RAE1: variants seen among roughly 807,000 people sequenced by gnomAD.
RAE1 encodes mRNA export factor RAE1.
A neutral mutation model predicts 52.7 loss-of-function variants in RAE1; 13 were observed. That is an observed-to-expected ratio of 0.25 (90% CI 0.16 to 0.39). The LOEUF (loss-of-function observed/expected upper bound fraction) is 0.39. Among genes scored for constraint, RAE1 ranks in the 10% least tolerant of loss-of-function variants. The pLI is 1.00. For synonymous variants in RAE1, 164 were observed against 153.1 expected, an observed-to-expected ratio of 1.07 and a Z score of -0.52; for missense variants, 262 against 459.8, an observed-to-expected ratio of 0.57 and a Z score of 3.93.
chr20:57,355,389 TATTAA>T (rs1482748313), intron 3 of RAE1, among the ~76,000 whole-genome samples: 2 of 152,228 alleles, frequency 1.3e-5, no homozygotes, highest in East Asian at 1.9e-4. Context: ...GACTTTTTTT[TATTAA>T]ATTAACAAAA....
At chr20:57,367,415 G>C (rs1296835579) in intron 7 of RAE1, among the ~76,000 whole-genome samples, 1 of 152,154 alleles carries the variant, frequency 6.6e-6, no homozygotes, top group Non-Finnish European at 1.5e-5. Context: ...GGTGGTACCA[G>C]GTCTTTGGGG....
chr20:57,373,273 G>C (rs755741601), intron 8 of RAE1: 5 of 590,086 alleles, frequency 8.5e-6, no homozygotes, highest in Non-Finnish European at 1.5e-5. Flanking sequence ...AGGAGCACAG[G>C]GTGTGCAGTT....
At chr20:57,360,776 A>G (rs908070440) in intron 4 of RAE1, among the ~76,000 whole-genome samples, 11 of 152,192 alleles carry the variant, frequency 7.2e-5, no homozygotes, top group Non-Finnish European at 4.4e-5. Flanking sequence ...AAATATTAGT[A>G]TAGCTTAGTT....
chr20:57,352,185 A>G lies in RAE1; in HGVS notation c.-8+763A>G, dbSNP rs79258443. 2.6e-4 allele frequency among the ~76,000 whole-genome samples: 39 copies of G among 152,308 alleles called. 1 individual carries two copies. The highest frequency in any genetic ancestry group is 8.4e-4 in the African/African-American group (35 of 41,540). On this transcript the variant is annotated intron_variant, in intron 1 of 11. Coordinates refer to ENST00000395841, the MANE Select transcript of RAE1 (RefSeq NM_003610.4). Reference sequence around the variant, plus strand: ...GAAGTATAAAATAACATTAATTTCAACCATTGAAAGTGTATATTGTGAGTT... The same window carrying G: ...GAAGTATAAAATAACATTAATTTCAGCCATTGAAAGTGTATATTGTGAGTT...
At chr20:57,358,445 A>G (rs2066831914) in intron 4 of RAE1, 2 of 152,388 alleles carry the variant, frequency 1.3e-5, no homozygotes, top group African/African-American at 4.8e-5. Flanking sequence ...TGCCATCTTA[A>G]CAAACCCTGT....
chr20:57,351,906 C>T, intron 1 of RAE1: 1 of 985,506 alleles, frequency 1.0e-6, no homozygotes, highest in Non-Finnish European at 1.2e-6. Context: ...ACCGTACAGG[C>T]AGTACTTCTC....
intron 3 of RAE1, 88 bp downstream of exon 3, chr20:57,354,904 G>T: frequency 1.0e-6 from 1 of 981,008 alleles, no homozygotes; most frequent in Non-Finnish European, 1.5e-6. Context: ...CCAAGTAAAT[G>T]AATCAGTTGG....
At position 57,374,501 on chromosome 20, in the gene RAE1, T is replaced by C. The variant is rs2067082357; in HGVS notation, c.826-106T>C. The C allele has an allele frequency of 7.7e-6, 8 of 1,034,524 alleles. 1 individual carries two copies. The South Asian group carries it at 9.2e-5, about 12-fold the overall frequency. 64.1% of individuals were successfully genotyped at this position (1,034,524 alleles called of 1,614,324 possible). On this transcript the variant is annotated intron_variant, in intron 10 of 11. Coordinates refer to ENST00000395841, the MANE Select transcript of RAE1 (RefSeq NM_003610.4). The stretch of plus-strand genomic sequence containing the variant: ...TCAGCGGGCAGCAGCTGGAAGGAAA[T>C]GTACCTGTGCGCTTTGTTTCCTAAC...
At chr20:57,353,624 G>T (rs563342649) in intron 1 of RAE1, among the ~76,000 whole-genome samples, 37 of 152,360 alleles carry the variant, frequency 2.4e-4, no homozygotes, top group African/African-American at 8.7e-4. Flanking sequence ...CTGAAAGCAC[G>T]GGGACCTGCG....
intron 1 of RAE1, among the ~76,000 whole-genome samples, chr20:57,352,918 C>T (rs73914833): frequency 0.055 from 8,400 of 152,220 alleles, 574 homozygotes; most frequent in African/African-American, 0.17. Context: ...GAAGTGTGGC[C>T]GGCAAGGACC....
At chr20:57,360,710 T>A (rs975155838) in intron 4 of RAE1, among the ~76,000 whole-genome samples, 2 of 152,244 alleles carry the variant, frequency 1.3e-5, no homozygotes, top group Non-Finnish European at 2.9e-5. Flanking sequence ...CGCCAAGTTC[T>A]ATTAGCTTGG....
intron 3 of RAE1, among the ~76,000 whole-genome samples, chr20:57,355,598 A>G (rs139283192): frequency 1.3e-5 from 2 of 152,352 alleles, no homozygotes; most frequent in Non-Finnish European, 1.5e-5. Flanking sequence ...CTTCATCTGC[A>G]TTATCTAAAT....
In RAE1 at chr20:57,374,713, C is replaced by A; in HGVS notation, c.932C>A (p.Ser311Ter). Residue 311 changes from serine to a stop codon, truncating the protein, a stop_gained, in exon 11 of 12, where the codon TCG becomes TAG. Transcript: ENST00000395841. LOFTEE classifies it high-confidence loss of function. ...GATGCCAGAACAAAACTAAAAACTT[C>A]GGAACAGTTAGATCAGCCCATCTCA... ...DKDARTKLKTSEQLDQPISAC... is the reference protein window; with the variant it reads ...DKDARTKLKT 1 of 1,614,192 alleles carries A rather than the reference C, an allele frequency of 6.2e-7. No individual in the cohort carries two copies. The highest frequency in any genetic ancestry group is 8.5e-7 in the Non-Finnish European group (1 of 1,180,034).
chr20:57,354,074 C>T lies in RAE1; in HGVS notation c.36C>T (p.Thr12=), dbSNP rs765866298. 1 of 1,613,942 alleles carries T rather than the reference C, an allele frequency of 6.2e-7. No homozygotes were observed. Among genetic ancestry groups the T allele is most frequent in the Non-Finnish European group, 8.5e-7 (1 of 1,179,884 alleles). The change falls in exon 2 of 12, where the codon ACC becomes ACT. Residue 12 remains threonine, a synonymous_variant. Coordinates refer to ENST00000395841, the MANE Select transcript of RAE1 (RefSeq NM_003610.4). The stretch of plus-strand genomic sequence containing the variant: ...TTGGAACAACCTCAGGTTTTGGAAC[C>T]AGTGGGACCAGCATGTTTGGCAGTG... The part of the protein sequence containing the change: ...SLFGTTSGFG[T]SGTSMFGSAT...
chr20:57,352,181 T>A (rs930780956), intron 1 of RAE1, among the ~76,000 whole-genome samples: 13 of 152,248 alleles, frequency 8.5e-5, no homozygotes, highest in African/African-American at 3.1e-4. Context: ...TAACATTAAT[T>A]TCAACCATTG....
intron 1 of RAE1, chr20:57,351,731 G>C (rs867770693): frequency 1.7e-5 from 17 of 985,520 alleles, no homozygotes; most frequent in Middle Eastern, 1.0e-3. Flanking sequence ...ATACATGTCA[G>C]CTCCTGGGAG....
intron 8 of RAE1, 52 bp from the exon 9 acceptor site, chr20:57,373,423 A>G (rs1417841227): frequency 2.6e-6 from 4 of 1,551,430 alleles, no homozygotes; most frequent in East Asian, 2.2e-5. Context: ...CACGTTAGTC[A>G]TGAAATCTTA....
intron 7 of RAE1, among the ~76,000 whole-genome samples, chr20:57,368,169 A>G (rs1449496064): frequency 6.6e-6 from 1 of 152,216 alleles, no homozygotes; most frequent in Non-Finnish European, 1.5e-5. Context: ...TACAGGCGTG[A>G]GCCACCATGC....
intron 5 of RAE1, among the ~76,000 whole-genome samples, chr20:57,366,305 A>C (rs1303324273): frequency 6.6e-6 from 1 of 152,210 alleles, no homozygotes; most frequent in African/African-American, 2.4e-5. Flanking sequence ...GCTATAAAGA[A>C]ATACCTGAGA....
Sources: gnomAD v4.1 joint callset for allele counts (sites outside exome capture counted in the v4.1 genomes callset) on GRCh38, gnomAD v4.1.1 for gene constraint, MANE v1.5 for transcripts, NCBI Gene and HGNC (gene_info 2026-07-23, HGNC 2026-07-21) for gene names.